IL19: variants seen among roughly 807,000 people sequenced by gnomAD.
IL19 encodes the protein interleukin 19.
Under a neutral mutation model 19.5 loss-of-function variants are expected in IL19, and 15 were observed. That is an observed-to-expected ratio of 0.77 (90% confidence interval 0.52 to 1.19). The LOEUF (loss-of-function observed/expected upper bound fraction) is 1.19. Ranked by LOEUF, IL19 falls within the 50% of genes most tolerant of loss-of-function variation. The probability of loss-of-function intolerance (pLI) is 0.00; values close to 1 mark genes in which losing one functional copy is unlikely to be tolerated. For synonymous variants in IL19, 78 were observed against 78.3 expected (o/e 1.00, Z 0.02); for missense variants, 199 against 213.1 (o/e 0.93, Z 0.41).
At chr1:206,829,481 C>T (rs968753204) in intron 2 of IL19, among the ~76,000 whole-genome samples, 6 of 151,912 alleles carry the variant, frequency 3.9e-5, no homozygotes, top group African/African-American at 7.3e-5. Context: ...GGTGAGGCAG[C>T]GGGGCTTTCT....
chr1:206,810,902 T>C (rs2102467438), intron 2 of IL19, among the ~76,000 whole-genome samples: 1 of 152,312 alleles, frequency 6.6e-6, no homozygotes, highest in East Asian at 1.9e-4. Flanking sequence ...TAAAAGAGCA[T>C]GGCATCTCTC....
At chr1:206,824,167 AG>A (rs1351430058) in intron 2 of IL19, among the ~76,000 whole-genome samples, 1 of 152,218 alleles carries the variant, frequency 6.6e-6, no homozygotes, top group Admixed American at 6.5e-5. Flanking sequence ...CTGTTGCCCC[AG>A]GGGGAAGGCA....
intron 1 of IL19, among the ~76,000 whole-genome samples, chr1:206,774,157 G>A (rs3813960): frequency 6.6e-6 from 1 of 152,264 alleles, no homozygotes; most frequent in East Asian, 1.9e-4. Flanking sequence ...AGGGAGGGAT[G>A]AGAGGGCCCA....
intron 2 of IL19, among the ~76,000 whole-genome samples, chr1:206,830,421 T>G (rs953842506): frequency 1.3e-5 from 2 of 151,562 alleles, no homozygotes; most frequent in African/African-American, 4.8e-5. Flanking sequence ...GTTCTTTTTC[T>G]CACCTTTTTT....
chr1:206,813,966 A>C (rs1465022287), intron 2 of IL19, among the ~76,000 whole-genome samples: 1 of 152,174 alleles, frequency 6.6e-6, no homozygotes, highest in Non-Finnish European at 1.5e-5. Flanking sequence ...CAGCCTGCCA[A>C]TCTGCCCTAC....
chr1:206,837,637 A>G (rs907389321), intron 4 of IL19, among the ~76,000 whole-genome samples: 6 of 40,600 alleles, frequency 1.5e-4, no homozygotes, highest in Admixed American at 2.6e-4. Flanking sequence ...ATTGCTTGAG[A>G]TCGGGGCTTG....
rs575578355 is a variant in IL19, at chr1:206,807,844, A to G, written c.-3+8838A>G. ...CAAAAAGAAACATTGAAATGGTGTA[A>G]CTATATATAGAAGCAAATATATAGA... On this transcript the variant is annotated intron_variant, in intron 2 of 6. Transcript: ENST00000659997. Among the ~76,000 whole-genome samples, 394 of 152,338 alleles carry G rather than the reference A, an allele frequency of 2.6e-3. 4 individuals carry two copies. Among genetic ancestry groups the G allele is most frequent in the African/African-American group, 7.0e-3 (290 of 41,574 alleles).
At chr1:206,771,125 AC>A in intron 1 of IL19, 47 bp downstream of exon 1, 1 of 1,549,060 alleles carries the variant, frequency 6.5e-7, no homozygotes, top group South Asian at 1.1e-5. Context: ...GGCTGCTGCA[AC>A]TAGCTTAAGA....
chr1:206,828,707 ATT>A (rs531633211), intron 2 of IL19, among the ~76,000 whole-genome samples: 1 of 151,294 alleles, frequency 6.6e-6, no homozygotes, highest in Non-Finnish European at 1.5e-5. Flanking sequence ...AAGAATAAAG[ATT>A]TTTTTTTCTG....
Position 206,836,739 on chromosome 1 carries a change from G to A in IL19, c.77G>A (p.Arg26Lys), listed in dbSNP as rs964941980. The change falls in exon 3 of 7, where the codon AGG becomes AAG. Residue 26 changes from arginine to lysine, a missense_variant. Physicochemically the swap from Arg to Lys is conservative, Grantham distance 26. Coordinates refer to ENST00000659997, the MANE Select transcript of IL19 (RefSeq NM_153758.5). ...TGCTCAGTAGACAACCACGGTCTCA[G>A]GAGATGTCTGATTTCCACAGACATG... Reference protein sequence around the residue: ...ILCSVDNHGLRRCLISTDMHH... With the variant: ...ILCSVDNHGLKRCLISTDMHH... The A allele has an allele frequency of 3.7e-6, 6 of 1,613,884 alleles. No homozygotes were observed. The African/African-American group carries it at 8.0e-5, about 22-fold the overall frequency.
intron 1 of IL19, among the ~76,000 whole-genome samples, chr1:206,778,830 C>T (rs894630566): frequency 6.6e-6 from 1 of 152,188 alleles, no homozygotes; most frequent in African/African-American, 2.4e-5. Flanking sequence ...CCTTGCCAAT[C>T]TATGTTCAAT....
chr1:206,833,850 T>A, intron 2 of IL19: 1 of 985,532 alleles, frequency 1.0e-6, no homozygotes. Flanking sequence ...TTCAACAAAA[T>A]GATGCAGGTA....
At chr1:206,779,938 C>T (rs113755836) in intron 1 of IL19, among the ~76,000 whole-genome samples, 19 of 151,878 alleles carry the variant, frequency 1.3e-4, no homozygotes, top group African/African-American at 4.1e-4. Flanking sequence ...ATCCTCTTGC[C>T]TCAGCCTCCA....
intron 1 of IL19, among the ~76,000 whole-genome samples, chr1:206,798,215 A>C (rs1261704554): frequency 6.6e-6 from 1 of 152,094 alleles, no homozygotes; most frequent in African/African-American, 2.4e-5. Context: ...CATAGGTGCG[A>C]TCATAGTGCA....
At chr1:206,776,171 G>A (rs1197781853) in intron 1 of IL19, among the ~76,000 whole-genome samples, 1 of 152,114 alleles carries the variant, frequency 6.6e-6, no homozygotes, top group Non-Finnish European at 1.5e-5. Context: ...TTAAAAGAGG[G>A]GGTTGTATTT....
At chr1:206,802,328 G>A (rs547454263) in intron 2 of IL19, among the ~76,000 whole-genome samples, 1 of 152,120 alleles carries the variant, frequency 6.6e-6, no homozygotes, top group Non-Finnish European at 1.5e-5. Flanking sequence ...GAGAGGAAAG[G>A]TGTACATGAC....
intron 4 of IL19, among the ~76,000 whole-genome samples, chr1:206,839,503 A>T (rs779054454): frequency 2.0e-5 from 3 of 152,310 alleles, no homozygotes; most frequent in South Asian, 2.1e-4. Context: ...CAGTCCTTTT[A>T]AAAAGGAGGC....
chr1:206,804,460 A>G (rs1387925186), intron 2 of IL19, among the ~76,000 whole-genome samples: 1 of 152,182 alleles, frequency 6.6e-6, no homozygotes, highest in Non-Finnish European at 1.5e-5. Flanking sequence ...AGTGCACTGA[A>G]ATAATTTAGG....
Position 206,801,900 on chromosome 1 carries a change from TGA to T in IL19, c.-3+2896_-3+2897del, listed in dbSNP as rs142207627. 2.0e-5 allele frequency among the ~76,000 whole-genome samples: 3 copies of T among 152,286 alleles called. No individual in the cohort carries two copies. The East Asian group carries it at 5.8e-4, about 29-fold the overall frequency. ...ACCTGGGTATCTTGACTGTTGGGATTGAGGTAGGATGAAGGCAGCTTTGGGAA... is the reference window on the plus strand; with the variant it reads ...ACCTGGGTATCTTGACTGTTGGGATTGGTAGGATGAAGGCAGCTTTGGGAA... On this transcript the variant is annotated intron_variant, in intron 2 of 6. Transcript: ENST00000659997.
Sources: gnomAD v4.1 joint callset for allele counts (sites outside exome capture counted in the v4.1 genomes callset) on GRCh38, gnomAD v4.1.1 for gene constraint, MANE v1.5 for transcripts, NCBI Gene and HGNC (gene_info 2026-07-23, HGNC 2026-07-21) for gene names.